The following TFCP2L1 variants were observed in gnomAD, a reference collection of about 807,000 sequenced individuals.
TFCP2L1 encodes the protein transcription factor CP2 like 1, also known as transcription factor CP2-like protein 1.
A neutral mutation model predicts 72.2 loss-of-function variants in TFCP2L1; 12 were observed. The ratio of observed to expected loss-of-function variants is 0.17; its 90% CI spans 0.11 to 0.27. TFCP2L1 has a LOEUF of 0.27. TFCP2L1 is among the 10% of genes least tolerant of loss of function. TFCP2L1 has a pLI of 1.00. For missense variants in TFCP2L1, 488 were observed against 624.6 expected (o/e 0.78, Z 2.33); for synonymous variants, 260 against 251.0 (o/e 1.04, Z -0.34).
At chr2:121,249,691 T>C (rs775681502) in intron 2 of TFCP2L1, 44 bp from the exon 3 acceptor site, 1 of 1,602,900 alleles carries the variant, frequency 6.2e-7, no homozygotes, top group Non-Finnish European at 8.5e-7. Context: ...TGAGTATTTC[T>C]AAATTTGGGG....
intron 2 of TFCP2L1, among the ~76,000 whole-genome samples, chr2:121,280,769 GAA>G (rs557121688): frequency 4.2e-5 from 1 of 23,962 alleles, no homozygotes; most frequent in Non-Finnish European, 9.6e-5. Flanking sequence ...CTCAAAAAAG[GAA>G]AAAAAAAAAA....
chr2:121,280,890 GT>G (rs890795274), intron 2 of TFCP2L1, among the ~76,000 whole-genome samples: 5 of 152,076 alleles, frequency 3.3e-5, no homozygotes, highest in African/African-American at 1.2e-4. Flanking sequence ...GTGTTACCCT[GT>G]TACCCGCGTG....
intron 10 of TFCP2L1, 93 bp from the exon 11 acceptor site, chr2:121,235,404 G>A (rs1235008574): frequency 4.1e-6 from 5 of 1,233,362 alleles, no homozygotes; most frequent in African/African-American, 1.5e-5. Context: ...CACTGGGGGT[G>A]GGGGGTGGGG....
intron 5 of TFCP2L1, 62 bp from the exon 6 acceptor site, chr2:121,247,032 C>T: frequency 6.3e-7 from 1 of 1,591,180 alleles, no homozygotes; most frequent in Admixed American, 1.8e-5. Context: ...CCTGGATCCC[C>T]CAAGCGCCCC....
chr2:121,233,548 TC>T (rs1686186171), intron 12 of TFCP2L1, among the ~76,000 whole-genome samples: 1 of 151,996 alleles, frequency 6.6e-6, no homozygotes. Context: ...TCCTCCCACC[TC>T]CCCAGGTGCT....
chr2:121,226,935 C>G (rs867455004), intron 13 of TFCP2L1, among the ~76,000 whole-genome samples: 2 of 152,286 alleles, frequency 1.3e-5, no homozygotes, highest in Middle Eastern at 3.4e-3. Flanking sequence ...GGGCATGAGG[C>G]TGGTTAGCGC....
chr2:121,248,683 C>T (rs1026710170), intron 4 of TFCP2L1, among the ~76,000 whole-genome samples: 1 of 152,166 alleles, frequency 6.6e-6, no homozygotes, highest in African/African-American at 2.4e-5. Context: ...GTGATGCTCA[C>T]GGTTGTCTTC....
chr2:121,268,352 C>CATTT (rs756821808), intron 2 of TFCP2L1, among the ~76,000 whole-genome samples: 94 of 151,620 alleles, frequency 6.2e-4, no homozygotes, highest in Admixed American at 1.2e-3. Flanking sequence ...GTATCTTTCC[C>CATTT]ATTTATTTAT....
At chr2:121,267,674 T>C (rs1240692821) in intron 2 of TFCP2L1, among the ~76,000 whole-genome samples, 1 of 152,078 alleles carries the variant, frequency 6.6e-6, no homozygotes, top group Non-Finnish European at 1.5e-5. Flanking sequence ...TTTATATTTT[T>C]AGTAGAGATG....
chr2:121,246,285 C>A lies in TFCP2L1; in HGVS notation c.657+533G>T, dbSNP rs116355810. Among the ~76,000 whole-genome samples the A allele has an allele frequency of 7.6e-3, 1,158 of 152,182 alleles. 15 individuals carry two copies. Among genetic ancestry groups the A allele is most frequent in the African/African-American group, 0.026 (1,068 of 41,518 alleles). ...TGAAGAGATGGAAAATAGTGACAGG[C>A]GACTGTAGGGAATGAAGCAGGGGAA... On this transcript the variant is annotated intron_variant, in intron 6 of 14. Transcript: ENST00000263707.
At chr2:121,249,743 C>A in intron 2 of TFCP2L1, 96 bp from the exon 3 acceptor site, 9 of 1,280,494 alleles carry the variant, frequency 7.0e-6, no homozygotes, top group Non-Finnish European at 1.0e-5. Context: ...CAGTGCCCAT[C>A]CAGGCCTCAA....
At chr2:121,229,364 T>G (rs1686096315) in intron 13 of TFCP2L1, among the ~76,000 whole-genome samples, 1 of 152,152 alleles carries the variant, frequency 6.6e-6, no homozygotes, top group African/African-American at 2.4e-5. Flanking sequence ...ACATCTACCT[T>G]CTGCTGTTCT....
At chr2:121,261,340 C>A (rs192601429) in intron 2 of TFCP2L1, among the ~76,000 whole-genome samples, 2 of 152,240 alleles carry the variant, frequency 1.3e-5, no homozygotes, top group East Asian at 3.9e-4. Flanking sequence ...GGACTGTTTA[C>A]AGAGCTGGGG....
intron 1 of TFCP2L1, among the ~76,000 whole-genome samples, chr2:121,282,840 C>T (rs753129133): frequency 1.3e-5 from 2 of 152,212 alleles, no homozygotes. Context: ...CCGGCACACA[C>T]CCCATCAACA....
chr2:121,243,638 C>T (rs1686424074), intron 6 of TFCP2L1, among the ~76,000 whole-genome samples: 1 of 152,058 alleles, frequency 6.6e-6, no homozygotes, highest in South Asian at 2.1e-4. Context: ...CATAAGAGGG[C>T]AAAACCTTTT....
chr2:121,240,018 C>A (rs529471753), intron 7 of TFCP2L1: 1 of 983,298 alleles, frequency 1.0e-6, no homozygotes, highest in East Asian at 1.1e-4. Flanking sequence ...GAGACAAATT[C>A]GTGTAAATGT....
chr2:121,240,305 A>G (rs969743082), intron 7 of TFCP2L1: 1 of 985,292 alleles, frequency 1.0e-6, no homozygotes, highest in Non-Finnish European at 1.2e-6. Flanking sequence ...ATGCATGTGG[A>G]GTCTCCCAAA....
At chr2:121,234,922 T>C (rs535698464) in intron 11 of TFCP2L1, among the ~76,000 whole-genome samples, 2 of 152,292 alleles carry the variant, frequency 1.3e-5, no homozygotes, top group East Asian at 3.9e-4. Flanking sequence ...TCTGAGAACA[T>C]GGGCAAGTGG....
In TFCP2L1 at chr2:121,267,759, T is replaced by G. The variant is rs538663692; in HGVS notation, c.214+13361A>C. ...ATGCGCCTGCCTTGGCCTCCCAAAG[T>G]GCTGGGATTACAGACAATGAGCCAC... On this transcript the variant is annotated intron_variant, in intron 2 of 14. Transcript: ENST00000263707. Among the ~76,000 whole-genome samples the G allele has an allele frequency of 1.5e-3, 233 of 152,290 alleles. 1 individual carries two copies. The highest frequency in any genetic ancestry group is 3.0e-3 in the Non-Finnish European group (203 of 68,024).
Sources: allele counts gnomAD v4.1 joint callset (sites outside exome capture counted in the v4.1 genomes callset), GRCh38; gene constraint gnomAD v4.1.1; transcripts MANE v1.5; gene names NCBI Gene and HGNC (gene_info 2026-07-23, HGNC 2026-07-21).